The following FRYL variants were observed in gnomAD, a reference collection of about 807,000 sequenced individuals.
FRYL encodes protein furry homolog-like.
In FRYL, 150 loss-of-function variants were observed where a neutral mutation model predicts 351.2. That is an observed-to-expected ratio of 0.43 (90% CI 0.37 to 0.49). The LOEUF (loss-of-function observed/expected upper bound fraction) is 0.49. Among genes scored for constraint, FRYL ranks in the 20% least tolerant of loss-of-function variants. The probability of loss-of-function intolerance (pLI) is 0.00; values close to 1 mark genes in which losing one functional copy is unlikely to be tolerated. For missense variants in FRYL, 3,036 were observed against 3,619.3 expected (o/e 0.84, Z 4.13); for synonymous variants, 1,153 against 1,257.1 (o/e 0.92, Z 1.75).
In FRYL at chr4:48,550,718, C is replaced by CA. The variant is rs1384923338; in HGVS notation, c.4521-15dup. 2 of 1,539,464 alleles carry CA rather than the reference C, an allele frequency of 1.3e-6. No individual in the cohort carries two copies. The highest frequency in any genetic ancestry group is 1.7e-5 in the Admixed American group (1 of 59,920). On this transcript the variant is annotated splice_polypyrimidine_tract_variant and intron_variant, in intron 37 of 63. Transcript: ENST00000358350. Reference sequence around the variant, plus strand: ...AGGTGCACATAGCTATGGGAATGATCACTGAAGTTAGTCACAGTTCACGGT... The same window carrying CA: ...AGGTGCACATAGCTATGGGAATGATCAACTGAAGTTAGTCACAGTTCACGGT...
intron 1 of FRYL, among the ~76,000 whole-genome samples, chr4:48,774,047 A>G (rs1775778798): frequency 6.6e-6 from 1 of 152,254 alleles, no homozygotes; most frequent in South Asian, 2.1e-4. Flanking sequence ...AGGAATGTAC[A>G]TTTAATAAAA....
chr4:48,770,360 A>T (rs1775388848), intron 1 of FRYL, among the ~76,000 whole-genome samples: 1 of 152,182 alleles, frequency 6.6e-6, no homozygotes, highest in African/African-American at 2.4e-5. Context: ...AAAACATGGA[A>T]CTAATATATT....
intron 31 of FRYL, 91 bp from the exon 32 acceptor site, chr4:48,563,079 T>C (rs1443825903): frequency 6.1e-6 from 5 of 823,360 alleles, no homozygotes; most frequent in Admixed American, 4.6e-5. Context: ...GCAAGGCTTA[T>C]AGGCATCTAT....
Position 48,531,288 on chromosome 4 carries a change from G to C in FRYL, c.6771C>G (p.Val2257=). ...AGGTCTTGGGGATATCACTGGGTAC[G>C]ACAAGACTCGCAGAGCGTGACACCA... ...KLVVSRSASL[V]VPSDIPKTYG... is the part of the protein sequence containing the mutation. Residue 2257 remains valine (V), a synonymous_variant, in exon 50 of 64, where the codon GTC becomes GTG. Coordinates refer to ENST00000358350, the MANE Select transcript of FRYL (RefSeq NM_015030.2). 1 of 1,613,416 alleles carries C rather than the reference G, an allele frequency of 6.2e-7. No homozygotes were observed. Among genetic ancestry groups the C allele is most frequent in the Non-Finnish European group, 8.5e-7 (1 of 1,179,484 alleles).
chr4:48,724,249 C>T (rs10938540), intron 1 of FRYL, among the ~76,000 whole-genome samples: 148,407 of 152,260 alleles, frequency 0.97, 72,443 homozygotes, highest in East Asian at 1. Flanking sequence ...AAGTCCATGG[C>T]CAAACATCTC....
chr4:48,563,114 G>T, intron 31 of FRYL, 126 bp from the exon 32 acceptor site: 2 of 586,322 alleles, frequency 3.4e-6, no homozygotes, highest in Non-Finnish European at 6.1e-6. Flanking sequence ...AGGAGACTTG[G>T]TTTTTTCAAG....
At chr4:48,570,286 C>A (rs1213160774) in intron 27 of FRYL, among the ~76,000 whole-genome samples, 1 of 152,126 alleles carries the variant, frequency 6.6e-6, no homozygotes, top group South Asian at 2.1e-4. Context: ...GTGAAGATGC[C>A]TTTACTGCGG....
chr4:48,670,278 C>T (rs1762439099), intron 3 of FRYL, among the ~76,000 whole-genome samples: 2 of 151,576 alleles, frequency 1.3e-5, no homozygotes, highest in South Asian at 2.1e-4. Context: ...ACTAAAAATA[C>T]AAAAATTAGC....
chr4:48,724,523 T>C (rs1282490303), intron 1 of FRYL, among the ~76,000 whole-genome samples: 3 of 152,188 alleles, frequency 2.0e-5, no homozygotes, highest in Non-Finnish European at 2.9e-5. Context: ...TATCATCCAA[T>C]ATTTGTTTAC....
intron 7 of FRYL, chr4:48,618,973 T>A: frequency 4.0e-6 from 1 of 249,270 alleles, no homozygotes; most frequent in Non-Finnish European, 7.6e-6. Flanking sequence ...CTGAAGTAGC[T>A]GAATGGCAGG....
At chr4:48,600,555 C>CA (rs1161092233) in intron 13 of FRYL, among the ~76,000 whole-genome samples, 1 of 151,130 alleles carries the variant, frequency 6.6e-6, no homozygotes, top group Non-Finnish European at 1.5e-5. Flanking sequence ...AGCCTTAAGA[C>CA]AAAAAAAAGT....
intron 1 of FRYL, among the ~76,000 whole-genome samples, chr4:48,778,909 A>G (rs1179925548): frequency 6.6e-6 from 1 of 151,710 alleles, no homozygotes; most frequent in Non-Finnish European, 1.5e-5. Flanking sequence ...AACCCCAGCC[A>G]GTGAATCGAA....
At chr4:48,607,329 A>C (rs1747059555) in intron 9 of FRYL, among the ~76,000 whole-genome samples, 1 of 152,212 alleles carries the variant, frequency 6.6e-6, no homozygotes, top group Non-Finnish European at 1.5e-5. Flanking sequence ...TCCAGTGGTC[A>C]CTGACTACAG....
chr4:48,631,491 A>C (rs921047135), intron 4 of FRYL, among the ~76,000 whole-genome samples: 2 of 152,004 alleles, frequency 1.3e-5, no homozygotes, highest in Non-Finnish European at 2.9e-5. Context: ...CACCACAGCA[A>C]TACTTCTTAA....
At chr4:48,634,578 C>T (rs796555) in intron 3 of FRYL, 88 bp from the exon 4 acceptor site, 432,514 of 939,768 alleles carry the variant, frequency 0.46, 103,658 homozygotes, top group Admixed American at 0.59. Flanking sequence ...TGTAAGCTGC[C>T]TCTAACCCTC....
intron 3 of FRYL, among the ~76,000 whole-genome samples, chr4:48,671,680 AACAAAAAT>A (rs1553969950): frequency 4.2e-5 from 6 of 144,014 alleles, no homozygotes; most frequent in East Asian, 1.9e-4. Context: ...AACAAAACAA[AACAAAAAT>A]ACAAAAATAC....
intron 1 of FRYL, among the ~76,000 whole-genome samples, chr4:48,779,757 A>T (rs1406297496): frequency 1.3e-5 from 2 of 151,862 alleles, no homozygotes; most frequent in African/African-American, 4.8e-5. Flanking sequence ...AGAGCCAGGC[A>T]CTGGAGGGGA....
chr4:48,756,232 C>CAA (rs1228377900), intron 1 of FRYL, among the ~76,000 whole-genome samples: 23 of 97,056 alleles, frequency 2.4e-4, no homozygotes, highest in African/African-American at 6.5e-4. Context: ...GACTTTGTCT[C>CAA]AAAAAAAAAA....
intron 60 of FRYL, 127 bp from the exon 61 acceptor site, chr4:48,502,972 C>A: frequency 6.4e-6 from 4 of 625,324 alleles, no homozygotes; most frequent in South Asian, 4.6e-5. Flanking sequence ...TATTTATACC[C>A]CAAAGAAAAT....
Sources: allele counts gnomAD v4.1 joint callset (sites outside exome capture counted in the v4.1 genomes callset), GRCh38; gene constraint gnomAD v4.1.1; transcripts MANE v1.5; gene names NCBI Gene and HGNC (gene_info 2026-07-23, HGNC 2026-07-21).